The following PIK3R5 variants were observed in gnomAD, a reference collection of about 807,000 sequenced individuals.
PIK3R5 encodes the protein phosphoinositide-3-kinase regulatory subunit 5.
Under a neutral mutation model 94.9 loss-of-function variants are expected in PIK3R5, and 32 were observed. The observed-to-expected ratio is 0.34, with a 90% CI of 0.25 to 0.45. The LOEUF (loss-of-function observed/expected upper bound fraction) is 0.45, where lower values mean the gene tolerates loss of function less well. Ranked by LOEUF, PIK3R5 falls within the 20% of genes least tolerant of loss-of-function variation. PIK3R5 has a pLI of 1.00. For missense variants in PIK3R5, 853 were observed against 1,144.6 expected (o/e 0.75, Z 3.68); for synonymous variants, 443 against 479.4 (o/e 0.92, Z 0.99).
intron 1 of PIK3R5, among the ~76,000 whole-genome samples, chr17:8,951,048 C>T (rs1290187511): frequency 6.6e-6 from 1 of 152,178 alleles, no homozygotes; most frequent in Non-Finnish European, 1.5e-5. Flanking sequence ...CCCTCATAAT[C>T]AGTGATAATG....
At chr17:8,936,534 T>C (rs1874660584) in intron 1 of PIK3R5, among the ~76,000 whole-genome samples, 1 of 152,242 alleles carries the variant, frequency 6.6e-6, no homozygotes, top group African/African-American at 2.4e-5. Context: ...TCAGATTGGC[T>C]TCTTTCATTT....
rs1597371013 is a variant in PIK3R5, at chr17:8,884,283, A to G, written c.2205+424T>C. On this transcript the variant is annotated intron_variant, in intron 15 of 18. Transcript: ENST00000447110. This position sits in a 1 kb window ranked among gnomAD's most constrained non-coding sequence, Gnocchi z 5.8. ...TCTGGCATGTCATGGACAGCCCTCC[A>G]CCTCCCCACAGCTCTCCTCACTCCT... Among the ~76,000 whole-genome samples, 1 of 150,886 alleles carries G rather than the reference A, an allele frequency of 6.6e-6. No homozygotes were observed. The highest frequency in any genetic ancestry group is 2.1e-4 in the South Asian group (1 of 4,742).
chr17:8,894,524 C>G (rs569737514), intron 5 of PIK3R5, among the ~76,000 whole-genome samples: 2 of 152,190 alleles, frequency 1.3e-5, no homozygotes, highest in African/African-American at 4.8e-5. Context: ...TCTCCCAGCC[C>G]GCATCCCCTT....
In PIK3R5 at chr17:8,893,573, C is replaced by G; in HGVS notation, c.482+13G>C. On this transcript the variant is annotated intron_variant, in intron 6 of 18. Coordinates refer to ENST00000447110, the MANE Select transcript of PIK3R5 (RefSeq NM_001142633.3). This position sits in a 1 kb window ranked among gnomAD's most constrained non-coding sequence, Gnocchi z 5.1. ...CCCTCCCCACTGTTTCTCCGTCCCCCAAGAGCACTCACACGGTGGAGCTGC... is the reference window on the plus strand; with the variant it reads ...CCCTCCCCACTGTTTCTCCGTCCCCGAAGAGCACTCACACGGTGGAGCTGC... The G allele has an allele frequency of 6.2e-7, 1 of 1,610,376 alleles. No homozygotes were observed.
Position 8,890,946 on chromosome 17 carries a change from G to C in PIK3R5, c.483-34C>G. On this transcript the variant is annotated intron_variant, in intron 6 of 18. Coordinates refer to ENST00000447110, the MANE Select transcript of PIK3R5 (RefSeq NM_001142633.3). This position sits in a 1 kb window ranked among gnomAD's most constrained non-coding sequence, Gnocchi z 6.1. ...ACAGGGGACCGGCTATGGCACCCAGGGGTGCGCAGCATGCCACAGTGCAGC... is the reference window on the plus strand; with the variant it reads ...ACAGGGGACCGGCTATGGCACCCAGCGGTGCGCAGCATGCCACAGTGCAGC... The C allele has an allele frequency of 6.2e-7, 1 of 1,602,406 alleles. No individual in the cohort carries two copies. The highest frequency in any genetic ancestry group is 1.3e-5 in the African/African-American group (1 of 74,950).
rs1459840563 is a variant in PIK3R5 at position 8,887,655 on chromosome 17, T to G, written c.1645A>C (p.Thr549Pro). Reference protein sequence around the residue: ...RRLENNRPLLTRFFKLQFFYV... With the variant: ...RRLENNRPLLPRFFKLQFFYV... ...AAGAACTGAAGTTTGAAGAACCGTG[T>G]GAGGAGTGGGCGATTGTTCTCCAGC... is the stretch of plus-strand genomic sequence containing the variant. Residue 549 changes from threonine (T) to proline (P), a missense_variant, in exon 11 of 19, where the codon ACA (threonine) becomes CCA (proline). Coordinates refer to ENST00000447110, the MANE Select transcript of PIK3R5 (RefSeq NM_001142633.3). 1 of 1,605,438 alleles carries G rather than the reference T, an allele frequency of 6.2e-7. No individual in the cohort carries two copies. Among genetic ancestry groups the G allele is most frequent in the Non-Finnish European group, 8.5e-7 (1 of 1,176,074 alleles).
intron 1 of PIK3R5, among the ~76,000 whole-genome samples, chr17:8,917,075 C>G (rs759127722): frequency 3.9e-5 from 6 of 152,150 alleles, no homozygotes; most frequent in Non-Finnish European, 8.8e-5. Context: ...TTCCTCATGC[C>G]TTCATAAGGC....
chr17:8,889,226 T>C lies in PIK3R5; in HGVS notation c.812-4A>G. 1.9e-6 allele frequency: 3 copies of C among 1,611,266 alleles called. No individual in the cohort carries two copies. Among genetic ancestry groups the C allele is most frequent in the African/African-American group, 2.7e-5 (2 of 74,908 alleles). On this transcript the variant is annotated splice_polypyrimidine_tract_variant and splice_region_variant and intron_variant, in intron 8 of 18. Transcript: ENST00000447110. The surrounding 1 kb of genome is among the most constrained non-coding windows in gnomAD (Gnocchi z 4.1). Reference sequence around the variant, plus strand: ...AGCTTCCCTGGTTTTGCAGTGTCTGTAAGAACAGGGAGGATAGGAGAAGAG... The same window carrying C: ...AGCTTCCCTGGTTTTGCAGTGTCTGCAAGAACAGGGAGGATAGGAGAAGAG...
Position 8,888,197 on chromosome 17 carries a change from C to T in PIK3R5, c.1590G>A (p.Lys530=). Residue 530 remains lysine (K), a synonymous_variant, in exon 10 of 19, where the codon AAG becomes AAA. Transcript: ENST00000447110. The surrounding 1 kb of genome is among the most constrained non-coding windows in gnomAD (Gnocchi z 7.8). ...VVFGSDRISG[K]VARAYSNLRR... is the part of the protein sequence containing the mutation. ...GAAGGTTGCTGTACGCCCGAGCCACCTTCCCTGAAATCCGATCGGAGCCAA... is the reference window on the plus strand; with the variant it reads ...GAAGGTTGCTGTACGCCCGAGCCACTTTCCCTGAAATCCGATCGGAGCCAA... 1 of 1,613,500 alleles carries T rather than the reference C, an allele frequency of 6.2e-7. No individual in the cohort carries two copies. The highest frequency in any genetic ancestry group is 1.1e-5 in the South Asian group (1 of 91,072).
chr17:8,900,605 A>AT (rs1221064997), intron 5 of PIK3R5, among the ~76,000 whole-genome samples: 2 of 152,206 alleles, frequency 1.3e-5, no homozygotes, highest in Non-Finnish European at 2.9e-5. Flanking sequence ...GGAAAAGGCC[A>AT]TCAGCAGTGA....
chr17:8,880,508 C>T lies in PIK3R5; in HGVS notation c.*131G>A. On this transcript the variant is annotated 3_prime_UTR_variant, in exon 19 of 19. Transcript: ENST00000447110. ...AAACCCTCTACTCCCAGCCCCTGCTCATTGCAGGACCCACAGTGGGACTAT... is the reference window on the plus strand; with the variant it reads ...AAACCCTCTACTCCCAGCCCCTGCTTATTGCAGGACCCACAGTGGGACTAT... 1.1e-6 allele frequency: 1 copy of T among 894,368 alleles called. No homozygotes were observed. The highest frequency in any genetic ancestry group is 1.6e-6 in the Non-Finnish European group (1 of 627,438). The allele number at this position is 894,368 out of a possible 1,614,324, so 55.4% of individuals were successfully genotyped here. A position where few individuals can be genotyped will look rare whatever the true frequency, so the allele number is the denominator to read the frequency against.
rs1190304691 is a variant in PIK3R5, at chr17:8,889,034, T to C, written c.895+105A>G. Reference sequence around the variant, plus strand: ...CCTTGCTCTGCTTAGAGCCTGCTCATGTGGGAGAGCTTTGGGGACGGGGTG... The same window carrying C: ...CCTTGCTCTGCTTAGAGCCTGCTCACGTGGGAGAGCTTTGGGGACGGGGTG... On this transcript the variant is annotated intron_variant, in intron 9 of 18. Transcript: ENST00000447110. This position sits in a 1 kb window ranked among gnomAD's most constrained non-coding sequence, Gnocchi z 4.1. The C allele has an allele frequency of 9.3e-6, 14 of 1,511,252 alleles. No individual in the cohort carries two copies. The highest frequency in any genetic ancestry group is 1.3e-5 in the South Asian group (1 of 78,620). 93.6% of individuals were successfully genotyped at this position (1,511,252 alleles called of 1,614,324 possible). A position where few individuals can be genotyped will look rare whatever the true frequency, so the allele number is the denominator to read the frequency against.
At chr17:8,910,230 C>G (rs757689965) in intron 2 of PIK3R5, among the ~76,000 whole-genome samples, 14 of 152,154 alleles carry the variant, frequency 9.2e-5, no homozygotes, top group Non-Finnish European at 1.9e-4. Flanking sequence ...AGCTCCAGGA[C>G]CTCTCACGTG....
At chr17:8,930,155 ACG>A (rs1164070016) in intron 1 of PIK3R5, among the ~76,000 whole-genome samples, 64 of 152,220 alleles carry the variant, frequency 4.2e-4, no homozygotes, top group African/African-American at 1.5e-3. Flanking sequence ...TCAAGTACTT[ACG>A]GAACATAAAC....
At chr17:8,960,199 G>A (rs1487614054) in intron 1 of PIK3R5, among the ~76,000 whole-genome samples, 1 of 152,152 alleles carries the variant, frequency 6.6e-6, no homozygotes, top group Non-Finnish European at 1.5e-5. Flanking sequence ...AAAGAATGCT[G>A]GAGAGAATGC....
intron 1 of PIK3R5, among the ~76,000 whole-genome samples, chr17:8,922,527 T>C (rs566035644): frequency 2.0e-5 from 3 of 152,308 alleles, no homozygotes; most frequent in Non-Finnish European, 4.4e-5. Context: ...TGTTCTTTCC[T>C]ATGTCGTGTT....
At chr17:8,938,934 G>A (rs2091125015) in intron 1 of PIK3R5, among the ~76,000 whole-genome samples, 1 of 152,164 alleles carries the variant, frequency 6.6e-6, no homozygotes, top group Non-Finnish European at 1.5e-5. Flanking sequence ...TTCTACATGA[G>A]GGACAGTAAG....
chr17:8,960,088 C>T (rs2091534476), intron 1 of PIK3R5, among the ~76,000 whole-genome samples: 1 of 152,090 alleles, frequency 6.6e-6, no homozygotes, highest in African/African-American at 2.4e-5. Context: ...GGGAACGAGT[C>T]CCTGGTCTGT....
chr17:8,963,626 C>T (rs888110254), intron 1 of PIK3R5, among the ~76,000 whole-genome samples: 2 of 151,902 alleles, frequency 1.3e-5, no homozygotes, highest in African/African-American at 4.8e-5. Context: ...CAGCCTCGAA[C>T]TCCTGGGGTC....
Sources: allele counts gnomAD v4.1 joint callset (sites outside exome capture counted in the v4.1 genomes callset), GRCh38; gene constraint gnomAD v4.1.1; non-coding constraint Gnocchi (gnomAD v3.1); transcripts MANE v1.5; gene names NCBI Gene and HGNC (gene_info 2026-07-23, HGNC 2026-07-21).